The following SPG7 variants were observed in gnomAD, a reference collection of about 807,000 sequenced individuals.
SPG7 encodes SPG7 matrix AAA peptidase subunit, paraplegin.
SPG7 carries 103 observed loss-of-function variants against 81.9 expected under a neutral mutation model. The ratio of observed to expected loss-of-function variants is 1.26; its 90% CI spans 1.07 to 1.48. The LOEUF is 1.48. SPG7 is among the 40% of genes most tolerant of loss of function. The pLI, the probability that SPG7 is intolerant of heterozygous loss-of-function variation, is 0.00. For missense variants in SPG7, 1,241 were observed against 1,087.3 expected, an observed-to-expected ratio of 1.14 and a Z score of -1.99; for synonymous variants, 534 against 444.2, an observed-to-expected ratio of 1.20 and a Z score of -2.54.
At chr16:89,515,715 A>ATT (rs1172192561) in intron 3 of SPG7, among the ~76,000 whole-genome samples, 1 of 146,326 alleles carries the variant, frequency 6.8e-6, no homozygotes, top group African/African-American at 2.5e-5. Flanking sequence ...TATTATTATT[A>ATT]TTTTTTTTTT....
In SPG7 at chr16:89,532,483, C is replaced by T. The variant is rs1057524520; in HGVS notation, c.1171C>T (p.Arg391Trp). ...CTCAGGCCTCGGCGCTGCCCGTGTG[C>T]GGAGCCTCTTTAAGGAAGCCCGAGC... ...VIGGLGAARV[R>W]SLFKEARARA... is the part of the protein sequence containing the mutation. The change falls in exon 9 of 17, where the codon CGG (arginine) becomes TGG (tryptophan). Residue 391 changes from arginine to tryptophan, a missense_variant. Physicochemically the swap from Arg to Trp is moderately radical, Grantham distance 101. Transcript: ENST00000645818. 8 of 1,613,514 alleles carry T rather than the reference C, an allele frequency of 5.0e-6. No individual in the cohort carries two copies. The highest frequency in any genetic ancestry group is 2.2e-5 in the South Asian group (2 of 91,088).
At chr16:89,546,875 G>A (rs1303621197) in intron 11 of SPG7, 115 bp downstream of exon 11, 3 of 754,284 alleles carry the variant, frequency 4.0e-6, no homozygotes, top group Non-Finnish European at 7.1e-6. Flanking sequence ...TTCTCTGGGG[G>A]CCTCTGCTCA....
chr16:89,545,951 C>G (rs1261473735), intron 10 of SPG7: 2 of 450,806 alleles, frequency 4.4e-6, no homozygotes, highest in Non-Finnish European at 4.4e-6. Flanking sequence ...CTTCAGGGCT[C>G]AAGCTGAGGA....
chr16:89,515,177 C>A (rs1212577357), intron 3 of SPG7, among the ~76,000 whole-genome samples: 1 of 151,300 alleles, frequency 6.6e-6, no homozygotes, highest in East Asian at 2.0e-4. Flanking sequence ...ACCTCGTGAT[C>A]TGCGTGCCTC....
intron 16 of SPG7, chr16:89,555,498 G>A (rs980758839): frequency 1.5e-4 from 26 of 171,348 alleles, no homozygotes; most frequent in Admixed American, 6.3e-5. Context: ...AGCCCCCGCC[G>A]ACCCGCGGTG....
At chr16:89,540,817 G>A in intron 9 of SPG7, 1 of 862,724 alleles carries the variant, frequency 1.2e-6, no homozygotes, top group Non-Finnish European at 1.4e-6. Context: ...TCCCAGGAAA[G>A]CAAAGACTTA....
intron 3 of SPG7, chr16:89,517,230 A>G (rs1398337898): frequency 6.6e-6 from 1 of 152,240 alleles, no homozygotes; most frequent in Admixed American, 6.5e-5. Flanking sequence ...TGCCCCACTA[A>G]TAACTCTGAT....
chr16:89,522,916 C>T (rs1209877949), intron 3 of SPG7: 1 of 152,594 alleles, frequency 6.6e-6, no homozygotes, highest in Non-Finnish European at 1.5e-5. Context: ...GCTTGCCACG[C>T]CTCCTTGCAG....
chr16:89,523,881 C>T (rs1319003082), intron 3 of SPG7, 125 bp from the exon 4 acceptor site: 5 of 1,212,226 alleles, frequency 4.1e-6, no homozygotes, highest in Non-Finnish European at 5.9e-6. Context: ...GGAGGAAGTG[C>T]AGGATCTTCT....
At chr16:89,532,725 G>A (rs1053886066) in intron 9 of SPG7, 89 bp downstream of exon 9, 11 of 1,487,816 alleles carry the variant, frequency 7.4e-6, no homozygotes, top group East Asian at 6.9e-5. Flanking sequence ...AGCCAAGATC[G>A]TGTCACTGCA....
At chr16:89,523,867 A>G (rs1374768951) in intron 3 of SPG7, 139 bp from the exon 4 acceptor site, 1 of 1,077,352 alleles carries the variant, frequency 9.3e-7, no homozygotes, top group Non-Finnish European at 1.4e-6. Flanking sequence ...GTCAGGGAAG[A>G]ATTGGAGGAA....
rs562615449 is a variant in SPG7, at chr16:89,540,448, T to C, written c.1325-4200T>C. The C allele has an allele frequency of 4.0e-4, 61 of 152,206 alleles. 1 individual carries two copies. The highest frequency in any genetic ancestry group is 1.4e-3 in the African/African-American group (59 of 41,506). The allele number at this position is 152,206 out of a possible 1,614,324, so 9.4% of individuals were successfully genotyped here. The stretch of plus-strand genomic sequence containing the variant: ...AAAAAATACAAAAATTAGCTGGCAG[T>C]GGTGGTGCGCACCTGTAGTCTTAGC... On this transcript the variant is annotated intron_variant, in intron 9 of 16. Transcript: ENST00000645818.
chr16:89,548,942 A>G (rs1394995427), intron 12 of SPG7: 1 of 454,386 alleles, frequency 2.2e-6, no homozygotes, highest in Non-Finnish European at 4.4e-6. Flanking sequence ...CTCACCCTCA[A>G]TTCGAGTGAA....
In SPG7 at chr16:89,524,158, A is replaced by G. The variant is rs1244544459; in HGVS notation, c.529A>G (p.Lys177Glu). The G allele has an allele frequency of 1.2e-6, 2 of 1,614,004 alleles. No homozygotes were observed. The highest frequency in any genetic ancestry group is 2.2e-5 in the East Asian group (1 of 44,890). Reference protein sequence around the residue: ...WNDFVHEMLAKGEVQRVQVVP... With the variant: ...WNDFVHEMLAEGEVQRVQVVP... The stretch of plus-strand genomic sequence containing the variant: ...CGACTTTGTCCACGAGATGCTGGCC[A>G]AGGGCGAGGTGCAGCGCGTCCAGGT... Residue 177 changes from lysine (K) to glutamate (E), a missense_variant, in exon 4 of 17, where the codon AAG (lysine) becomes GAG (glutamate). Transcript: ENST00000645818.
At chr16:89,510,064 TC>T (rs1436213159) in intron 1 of SPG7, among the ~76,000 whole-genome samples, 1 of 152,064 alleles carries the variant, frequency 6.6e-6, no homozygotes, top group Non-Finnish European at 1.5e-5. Context: ...AACCTCTGCC[TC>T]CCGGGTTCAA....
At chr16:89,546,964 C>T (rs146008681) in intron 11 of SPG7, 10 of 578,160 alleles carry the variant, frequency 1.7e-5, no homozygotes, top group East Asian at 1.6e-4. Context: ...TCCTCCGCCC[C>T]GGGGTGGAAA....
rs1055144529 is a variant in SPG7 at position 89,510,136 on chromosome 16, G to A, written c.184-354G>A. On this transcript the variant is annotated intron_variant, in intron 1 of 16. Transcript: ENST00000645818. Reference sequence around the variant, plus strand: ...ATTACAGGTGTGCACCACCACGCCCGGCTAATTTTTGTATTTTTAGTAGAG... The same window carrying A: ...ATTACAGGTGTGCACCACCACGCCCAGCTAATTTTTGTATTTTTAGTAGAG... Among the ~76,000 whole-genome samples, 13 of 151,768 alleles carry A rather than the reference G, an allele frequency of 8.6e-5. No individual in the cohort carries two copies. The South Asian group carries it at 1.7e-3, about 19-fold the overall frequency.
Position 89,547,998 on chromosome 16 carries a change from G to C in SPG7, c.1553-5G>C, listed in dbSNP as rs1463414333. On this transcript the variant is annotated splice_polypyrimidine_tract_variant and splice_region_variant and intron_variant, in intron 11 of 16. Transcript: ENST00000645818. The stretch of plus-strand genomic sequence containing the variant: ...CACCCACACCGTGGCTGTTTGTGTT[G>C]ACAGGGGCTGACATCGCCAACATCT... 5.6e-6 allele frequency: 9 copies of C among 1,611,880 alleles called. No homozygotes were observed. Among genetic ancestry groups the C allele is most frequent in the East Asian group, 2.2e-5 (1 of 44,880 alleles).
In SPG7 at chr16:89,548,068, G is replaced by T. The variant is rs149437163; in HGVS notation, c.1618G>T (p.Val540Leu). 3.1e-6 allele frequency: 5 copies of T among 1,610,586 alleles called. No homozygotes were observed. The highest frequency in any genetic ancestry group is 4.5e-5 in the East Asian group (2 of 44,872). ...CGCGGCGCGGGAGGGACACACTTCC[G>T]TGCACACTCTCAACTTCGAGTACGC... ...LHAAREGHTSVHTLNFEYAVE... is the reference protein window; with the variant it reads ...LHAAREGHTSLHTLNFEYAVE... The change falls in exon 12 of 17, where the codon GTG (valine) becomes TTG (leucine). Residue 540 changes from valine (V) to leucine (L), a missense_variant. Physicochemically the swap from Val to Leu is conservative, Grantham distance 32. Coordinates refer to ENST00000645818, the MANE Select transcript of SPG7 (RefSeq NM_003119.4).
Sources: gnomAD v4.1 joint callset for allele counts (sites outside exome capture counted in the v4.1 genomes callset) on GRCh38, gnomAD v4.1.1 for gene constraint, MANE v1.5 for transcripts, NCBI Gene and HGNC (gene_info 2026-07-23, HGNC 2026-07-21) for gene names.